The following PTPN6 variants were observed in gnomAD, a reference collection of about 807,000 sequenced individuals.
The protein encoded by PTPN6 is tyrosine-protein phosphatase non-receptor type 6.
A neutral mutation model predicts 81.5 loss-of-function variants in PTPN6; 18 were observed. The observed-to-expected ratio is 0.22, with a 90% CI of 0.15 to 0.33. The LOEUF (loss-of-function observed/expected upper bound fraction) is 0.33. Ranked by LOEUF, PTPN6 falls within the 10% of genes least tolerant of loss-of-function variation. The pLI, the probability that PTPN6 is intolerant of heterozygous loss-of-function variation, is 1.00. For missense variants in PTPN6, 500 were observed against 794.2 expected (o/e 0.63, Z 4.45); for synonymous variants, 301 against 310.9 (o/e 0.97, Z 0.33).
chr12:6,959,427 C>T lies in PTPN6; in HGVS notation c.1362-500C>T, dbSNP rs782396093. 61 of 218,990 alleles carry T rather than the reference C, an allele frequency of 2.8e-4. No individual in the cohort carries two copies. The highest frequency in any genetic ancestry group is 1.3e-3 in the African/African-American group (56 of 43,492). The allele number at this position is 218,990 out of a possible 1,614,324, so 13.6% of individuals were successfully genotyped here. A position where few individuals can be genotyped will look rare whatever the true frequency, so the allele number is the denominator to read the frequency against. ...GGGAAAGGAGAGAAACTTCCTACTG[C>T]ACTGCTCCCCTGAGTCCCCTGACCC... On this transcript the variant is annotated intron_variant, in intron 11 of 15. Transcript: ENST00000318974. The surrounding 1 kb of genome is among the most constrained non-coding windows in gnomAD (Gnocchi z 6.6).
At chr12:6,958,435 T>C (rs1280016205) in intron 11 of PTPN6, among the ~76,000 whole-genome samples, 1 of 152,224 alleles carries the variant, frequency 6.6e-6, no homozygotes, top group Non-Finnish European at 1.5e-5. Context: ...TGCTCCGCTT[T>C]CTCTCGAGGT....
In PTPN6 at chr12:6,951,397, G is replaced by A. The variant is rs1405410580; in HGVS notation, c.-116G>A. 1.9e-6 allele frequency: 3 copies of A among 1,548,608 alleles called. No homozygotes were observed. The highest frequency in any genetic ancestry group is 1.4e-5 in the African/African-American group (1 of 73,036). On this transcript the variant is annotated 5_prime_UTR_variant, in exon 1 of 16. Transcript: ENST00000318974. This position sits in a 1 kb window ranked among gnomAD's most constrained non-coding sequence, Gnocchi z 7.2. ...CAGAACTGGGACCACCGGGGGTGGT[G>A]AGGCGGCCCGGCACTGGGAGCTGCA...
upstream of PTPN6, among the ~76,000 whole-genome samples, chr12:6,948,631 T>A (rs1158119163): frequency 7.4e-5 from 11 of 148,672 alleles, no homozygotes; most frequent in Non-Finnish European, 1.3e-4. Flanking sequence ...TGACAACCGG[T>A]CGAAAGAAAA....
chr12:6,947,839 A>G (rs1412486321), upstream of PTPN6, among the ~76,000 whole-genome samples: 1 of 152,126 alleles, frequency 6.6e-6, no homozygotes, highest in Admixed American at 6.5e-5. Context: ...CGTAGTGATC[A>G]AGAGTCAAGC....
rs73046105 is a variant in PTPN6 at position 6,956,903 on chromosome 12, C to T, written c.1074+335C>T. 0.012 allele frequency among the ~76,000 whole-genome samples: 1,790 copies of T among 152,290 alleles called. 22 individuals carry two copies. The highest frequency in any genetic ancestry group is 0.015 in the Non-Finnish European group (1,015 of 68,028). On this transcript the variant is annotated intron_variant, in intron 9 of 15. Coordinates refer to ENST00000318974, the MANE Select transcript of PTPN6 (RefSeq NM_002831.6). This position sits in a 1 kb window ranked among gnomAD's most constrained non-coding sequence, Gnocchi z 4.1. The stretch of plus-strand genomic sequence containing the variant: ...CCTTACCCTGCAGGCTCCCCCTACA[C>T]AGCACCCTCTGTGCTGCCATTGAAG...
rs373263834 is a variant in PTPN6 at position 6,960,430 on chromosome 12, G to A, written c.1668G>A (p.Ser556=). The change falls in exon 14 of 16, where the codon TCG becomes TCA. Residue 556 remains serine, a synonymous_variant. Coordinates refer to ENST00000318974, the MANE Select transcript of PTPN6 (RefSeq NM_002831.6). The surrounding 1 kb of genome is among the most constrained non-coding windows in gnomAD (Gnocchi z 6.1). ...CCCATGCCAAGGCCTCCCGCACCTC[G>A]TCCAAGTGAGTGGCCCTGACTGCCA... The part of the protein sequence containing the change: ...KNAHAKASRT[S]SKHKEDVYEN... The A allele has an allele frequency of 1.7e-4, 269 of 1,613,410 alleles. No individual in the cohort carries two copies. Among genetic ancestry groups the A allele is most frequent in the Middle Eastern group, 1.5e-3 (9 of 6,082 alleles).
In PTPN6 at chr12:6,952,116, C is replaced by T. The variant is rs782163170; in HGVS notation, c.265C>T (p.Arg89Cys). ...TCAGCAGCAGGGTGTCCTGCAGGAC[C>T]GCGACGGCACCATCATCCACCTCAA... Reference protein sequence around the residue: ...YTQQQGVLQDRDGTIIHLKYP... With the variant: ...YTQQQGVLQDCDGTIIHLKYP... Residue 89 changes from arginine (R) to cysteine (C), a missense_variant, in exon 3 of 16, where the codon CGC becomes TGC. Coordinates refer to ENST00000318974, the MANE Select transcript of PTPN6 (RefSeq NM_002831.6). The surrounding 1 kb of genome is among the most constrained non-coding windows in gnomAD (Gnocchi z 8.1). 8 of 1,614,136 alleles carry T rather than the reference C, an allele frequency of 5.0e-6. No individual in the cohort carries two copies. The highest frequency in any genetic ancestry group is 3.4e-6 in the Non-Finnish European group (4 of 1,180,026).
At chr12:6,946,751 G>A (rs1555146855), upstream of PTPN6, 2 of 1,610,522 alleles carry the variant, frequency 1.2e-6, no homozygotes, top group South Asian at 2.2e-5. Context: ...TAAGTCCCGG[G>A]CACCATCGGG....
Position 6,951,464 on chromosome 12 carries a change from C to T in PTPN6, c.-49C>T, listed in dbSNP as rs782480536. ...TGAGCTCTCTGCCTGCCCAGACTAG[C>T]TGCACCTCCTCATTCCCTGCGCCCC... On this transcript the variant is annotated 5_prime_UTR_variant, in exon 1 of 16. Coordinates refer to ENST00000318974, the MANE Select transcript of PTPN6 (RefSeq NM_002831.6). The surrounding 1 kb of genome is among the most constrained non-coding windows in gnomAD (Gnocchi z 7.2). 3.7e-6 allele frequency: 6 copies of T among 1,612,944 alleles called. No homozygotes were observed. The highest frequency in any genetic ancestry group is 1.3e-5 in the African/African-American group (1 of 75,020).
At position 6,956,122 on chromosome 12, in the gene PTPN6, T is replaced by A; in HGVS notation, c.845-20T>A. 1 of 1,613,814 alleles carries A rather than the reference T, an allele frequency of 6.2e-7. No homozygotes were observed. The highest frequency in any genetic ancestry group is 8.5e-7 in the Non-Finnish European group (1 of 1,179,798). ...CCTGGCTAACCCAGACCATCTCGCC[T>A]CCTCTCCGCCCACTCCCAGTTGACC... On this transcript the variant is annotated intron_variant, in intron 7 of 15. Coordinates refer to ENST00000318974, the MANE Select transcript of PTPN6 (RefSeq NM_002831.6). This position sits in a 1 kb window ranked among gnomAD's most constrained non-coding sequence, Gnocchi z 4.1.
chr12:6,957,442 C>T lies in PTPN6; in HGVS notation c.1075-212C>T, dbSNP rs1282598977. Among the ~76,000 whole-genome samples the T allele has an allele frequency of 1.3e-5, 2 of 152,334 alleles. No individual in the cohort carries two copies. The highest frequency in any genetic ancestry group is 1.9e-4 in the East Asian group (1 of 5,180). ...CTGGCAACGTTTGTTGAATGACAAA[C>T]GGATGTACCGGTGAAGTGGCTGGCC... is the stretch of plus-strand genomic sequence containing the variant. On this transcript the variant is annotated intron_variant, in intron 9 of 15. Coordinates refer to ENST00000318974, the MANE Select transcript of PTPN6 (RefSeq NM_002831.6). This position sits in a 1 kb window ranked among gnomAD's most constrained non-coding sequence, Gnocchi z 6.5.
In PTPN6 at chr12:6,952,761, G is replaced by A. The variant is rs1945950749; in HGVS notation, c.326+584G>A. 6.0e-6 allele frequency: 1 copy of A among 166,688 alleles called. No individual in the cohort carries two copies. The highest frequency in any genetic ancestry group is 1.3e-5 in the Non-Finnish European group (1 of 75,828). 10.3% of individuals were successfully genotyped at this position (166,688 alleles called of 1,614,324 possible). A position where few individuals can be genotyped will look rare whatever the true frequency, so the allele number is the denominator to read the frequency against. ...TGTTCACCTGTGTAAAGTGTCTCAC[G>A]CTGTCCCGGGCACAGAGTAATACTC... On this transcript the variant is annotated intron_variant, in intron 3 of 15. Coordinates refer to ENST00000318974, the MANE Select transcript of PTPN6 (RefSeq NM_002831.6). The surrounding 1 kb of genome is among the most constrained non-coding windows in gnomAD (Gnocchi z 8.1).
In PTPN6 at chr12:6,956,602, GTGCT is replaced by G. The variant is rs782528959; in HGVS notation, c.1074+37_1074+40del. On this transcript the variant is annotated intron_variant, in intron 9 of 15. Coordinates refer to ENST00000318974, the MANE Select transcript of PTPN6 (RefSeq NM_002831.6). This position sits in a 1 kb window ranked among gnomAD's most constrained non-coding sequence, Gnocchi z 4.1. ...CCCCCCCTTCCCCGCATCCGCCCCCGTGCTTGTGGTCATGCCATTAAGTCGAAGA... is the reference window on the plus strand; with the variant it reads ...CCCCCCCTTCCCCGCATCCGCCCCCGTGTGGTCATGCCATTAAGTCGAAGA... 6.2e-7 allele frequency: 1 copy of G among 1,612,182 alleles called. No individual in the cohort carries two copies. The highest frequency in any genetic ancestry group is 1.1e-5 in the South Asian group (1 of 91,020).
chr12:6,956,014 C>A lies in PTPN6; in HGVS notation c.845-128C>A. ...ACAGATGATCCCCCACCCCTGCTGC[C>A]CACAGTCCCCCGCAAGCCTCATGGC... On this transcript the variant is annotated intron_variant, in intron 7 of 15. Coordinates refer to ENST00000318974, the MANE Select transcript of PTPN6 (RefSeq NM_002831.6). The surrounding 1 kb of genome is among the most constrained non-coding windows in gnomAD (Gnocchi z 4.1). 1.0e-6 allele frequency: 1 copy of A among 981,562 alleles called. No homozygotes were observed. The highest frequency in any genetic ancestry group is 1.6e-6 in the Non-Finnish European group (1 of 626,716). The allele number at this position is 981,562 out of a possible 1,614,324, so 60.8% of individuals were successfully genotyped here.
rs1555147912 is a variant in PTPN6, at chr12:6,952,255, A to C, written c.326+78A>C. On this transcript the variant is annotated intron_variant, in intron 3 of 15. Transcript: ENST00000318974. The surrounding 1 kb of genome is among the most constrained non-coding windows in gnomAD (Gnocchi z 8.1). ...CCTGAACAGCCAGGGAGGCAGGGAG[A>C]CTGGCAGCCGGCGCTGCCTACCCTC... 1.9e-6 allele frequency: 3 copies of C among 1,556,494 alleles called. No individual in the cohort carries two copies. Among genetic ancestry groups the C allele is most frequent in the Non-Finnish European group, 2.6e-6 (3 of 1,133,104 alleles).
At position 6,959,790 on chromosome 12, in the gene PTPN6, G is replaced by A. The variant is rs1008425470; in HGVS notation, c.1362-137G>A. The A allele has an allele frequency of 1.1e-5, 10 of 913,376 alleles. No homozygotes were observed. The Admixed American group carries it at 1.6e-4, about 15-fold the overall frequency. 56.6% of individuals were successfully genotyped at this position (913,376 alleles called of 1,614,324 possible). A position where few individuals can be genotyped will look rare whatever the true frequency, so the allele number is the denominator to read the frequency against. ...AAACCTCCATCATCACTTGCCCGGTGACCCTGGGCACATTCCCTCCCATCA... is the reference window on the plus strand; with the variant it reads ...AAACCTCCATCATCACTTGCCCGGTAACCCTGGGCACATTCCCTCCCATCA... On this transcript the variant is annotated intron_variant, in intron 11 of 15. Coordinates refer to ENST00000318974, the MANE Select transcript of PTPN6 (RefSeq NM_002831.6). The surrounding 1 kb of genome is among the most constrained non-coding windows in gnomAD (Gnocchi z 6.6).
chr12:6,960,082 A>T lies in PTPN6; in HGVS notation c.1430-6A>T, dbSNP rs1251461500. ...TGGACCTGAGGTTTGACTGCCCCCC[A>T]CCCAGGCCTGGACTGTGACATTGAC... On this transcript the variant is annotated splice_polypyrimidine_tract_variant and splice_region_variant and intron_variant, in intron 12 of 15. Coordinates refer to ENST00000318974, the MANE Select transcript of PTPN6 (RefSeq NM_002831.6). The surrounding 1 kb of genome is among the most constrained non-coding windows in gnomAD (Gnocchi z 6.1). 12 of 1,613,334 alleles carry T rather than the reference A, an allele frequency of 7.4e-6. No homozygotes were observed. The highest frequency in any genetic ancestry group is 1.0e-5 in the Non-Finnish European group (12 of 1,179,978).
chr12:6,952,815 A>G lies in PTPN6; in HGVS notation c.326+638A>G, dbSNP rs1945951910. Reference sequence around the variant, plus strand: ...GCATTTCCTTCCTGTGGCCTCCCCGACTCCTCCTGTGGTCTCCCAAAGGCA... The same window carrying G: ...GCATTTCCTTCCTGTGGCCTCCCCGGCTCCTCCTGTGGTCTCCCAAAGGCA... On this transcript the variant is annotated intron_variant, in intron 3 of 15. Transcript: ENST00000318974. This position sits in a 1 kb window ranked among gnomAD's most constrained non-coding sequence, Gnocchi z 8.1. 1.3e-5 allele frequency: 2 copies of G among 155,096 alleles called. No individual in the cohort carries two copies. Among genetic ancestry groups the G allele is most frequent in the African/African-American group, 4.9e-5 (2 of 41,146 alleles). 9.6% of individuals were successfully genotyped at this position (155,096 alleles called of 1,614,324 possible).
chr12:6,952,116 C>G lies in PTPN6; in HGVS notation c.265C>G (p.Arg89Gly). The change falls in exon 3 of 16, where the codon CGC becomes GGC. Residue 89 changes from arginine (R) to glycine (G), a missense_variant. This residue lies in a region of PTPN6 where 98 missense variants were observed against 199.2 expected (regional missense o/e 0.49). Coordinates refer to ENST00000318974, the MANE Select transcript of PTPN6 (RefSeq NM_002831.6). The surrounding 1 kb of genome is among the most constrained non-coding windows in gnomAD (Gnocchi z 8.1). ...YTQQQGVLQDRDGTIIHLKYP... is the reference protein window; with the variant it reads ...YTQQQGVLQDGDGTIIHLKYP... The stretch of plus-strand genomic sequence containing the variant: ...TCAGCAGCAGGGTGTCCTGCAGGAC[C>G]GCGACGGCACCATCATCCACCTCAA... 1 of 1,614,136 alleles carries G rather than the reference C, an allele frequency of 6.2e-7. No individual in the cohort carries two copies. The highest frequency in any genetic ancestry group is 8.5e-7 in the Non-Finnish European group (1 of 1,180,026).
Sources: gnomAD v4.1 joint callset for allele counts (sites outside exome capture counted in the v4.1 genomes callset) on GRCh38, gnomAD v4.1.1 for gene constraint, gnomAD v4.1.1 regional missense constraint, Gnocchi (gnomAD v3.1) non-coding constraint, MANE v1.5 for transcripts, NCBI Gene and HGNC (gene_info 2026-07-23, HGNC 2026-07-21) for gene names.